RAP1GDS1: variants seen among roughly 807,000 people sequenced by gnomAD.
RAP1GDS1 encodes the protein Rap1 GTPase-GDP dissociation stimulator 1, also known as RAP1, GTP-GDP dissociation stimulator 1.
A neutral mutation model predicts 71.1 loss-of-function variants in RAP1GDS1; 35 were observed. The ratio of observed to expected loss-of-function variants is 0.49; its 90% CI spans 0.38 to 0.65. The LOEUF (loss-of-function observed/expected upper bound fraction) is 0.65. RAP1GDS1 is among the 30% of genes least tolerant of loss of function. The probability of loss-of-function intolerance (pLI) is 0.00; values close to 1 mark genes in which losing one functional copy is unlikely to be tolerated. For missense variants in RAP1GDS1, 663 were observed against 706.1 expected, an observed-to-expected ratio of 0.94 and a Z score of 0.69; for synonymous variants, 229 against 243.1, an observed-to-expected ratio of 0.94 and a Z score of 0.54.
intron 2 of RAP1GDS1, among the ~76,000 whole-genome samples, chr4:98,335,604 TAAAA>T (rs1010987954): frequency 6.6e-6 from 1 of 151,998 alleles, no homozygotes; most frequent in East Asian, 1.9e-4. Flanking sequence ...AGCTTCTTTT[TAAAA>T]AAACTTATCT....
At chr4:98,390,171 C>CTT (rs775568059) in intron 5 of RAP1GDS1, among the ~76,000 whole-genome samples, 3 of 152,118 alleles carry the variant, frequency 2.0e-5, no homozygotes, top group Non-Finnish European at 4.4e-5. Context: ...TAATTTCTAA[C>CTT]TTGGAAAGCT....
chr4:98,419,367 G>A (rs919108315), intron 10 of RAP1GDS1, among the ~76,000 whole-genome samples: 1 of 152,124 alleles, frequency 6.6e-6, no homozygotes, highest in Non-Finnish European at 1.5e-5. Context: ...GGCATCTTTA[G>A]TTGAGGTAGA....
In RAP1GDS1 at chr4:98,426,135, A is replaced by G. The variant is rs560548716; in HGVS notation, c.1440+4741A>G. Among the ~76,000 whole-genome samples, 175 of 152,330 alleles carry G rather than the reference A, an allele frequency of 1.1e-3. 1 individual carries two copies. In the South Asian group the frequency reaches 0.018, roughly 16 times the overall value. On this transcript the variant is annotated intron_variant, in intron 12 of 14. Transcript: ENST00000408927. Reference sequence around the variant, plus strand: ...CTGCTCCTGAATGATCACTGGGTCAATAACAAAATCAAGATGGGAATTTAA... The same window carrying G: ...CTGCTCCTGAATGATCACTGGGTCAGTAACAAAATCAAGATGGGAATTTAA...
chr4:98,266,940 T>C (rs1266716461), intron 1 of RAP1GDS1, among the ~76,000 whole-genome samples: 1 of 152,148 alleles, frequency 6.6e-6, no homozygotes, highest in African/African-American at 2.4e-5. Flanking sequence ...GAGTTATTGG[T>C]GGCACTAACA....
At chr4:98,402,202 G>C (rs1745520183) in intron 6 of RAP1GDS1, among the ~76,000 whole-genome samples, 2 of 152,268 alleles carry the variant, frequency 1.3e-5, no homozygotes, top group South Asian at 4.1e-4. Context: ...CTCCTGAGTA[G>C]CTGGGACTAT....
intron 8 of RAP1GDS1, 31 bp from the exon 9 acceptor site, chr4:98,417,336 T>C (rs775885974): frequency 6.3e-7 from 1 of 1,592,708 alleles, no homozygotes; most frequent in South Asian, 1.1e-5. Context: ...TATTTTTCTC[T>C]TGCTTAACTA....
intron 3 of RAP1GDS1, among the ~76,000 whole-genome samples, chr4:98,344,864 G>A (rs1466620327): frequency 3.9e-5 from 6 of 152,098 alleles, no homozygotes; most frequent in South Asian, 2.1e-4. Context: ...TTACTGTGTC[G>A]CCCAGGCTGA....
chr4:98,426,294 C>G (rs773970391), intron 12 of RAP1GDS1, among the ~76,000 whole-genome samples: 1 of 151,990 alleles, frequency 6.6e-6, no homozygotes, highest in Non-Finnish European at 1.5e-5. Flanking sequence ...AAGAGACAAT[C>G]TAAGGTCACA....
chr4:98,321,114 C>G (rs1288139858), intron 2 of RAP1GDS1, among the ~76,000 whole-genome samples: 2 of 144,616 alleles, frequency 1.4e-5, no homozygotes, highest in African/African-American at 2.5e-5. Context: ...TCGAGAACTA[C>G]GTGAAGAATG....
At chr4:98,332,236 T>C (rs1352490226) in intron 2 of RAP1GDS1, among the ~76,000 whole-genome samples, 1 of 152,214 alleles carries the variant, frequency 6.6e-6, no homozygotes, top group African/African-American at 2.4e-5. Flanking sequence ...TATAGAGGAA[T>C]GTAAACAATA....
chr4:98,407,782 T>A (rs1252680478), intron 7 of RAP1GDS1, among the ~76,000 whole-genome samples: 1 of 151,996 alleles, frequency 6.6e-6, no homozygotes, highest in Admixed American at 6.6e-5. Context: ...ACTATACAAT[T>A]CATCCATGTA....
intron 6 of RAP1GDS1, among the ~76,000 whole-genome samples, chr4:98,394,050 A>T (rs1017276369): frequency 1.3e-5 from 2 of 152,166 alleles, no homozygotes; most frequent in African/African-American, 4.8e-5. Context: ...GAGTACATAG[A>T]AGAAAGCAAA....
chr4:98,335,483 AAC>A (rs1302504251), intron 2 of RAP1GDS1, among the ~76,000 whole-genome samples: 4 of 152,102 alleles, frequency 2.6e-5, no homozygotes, highest in Non-Finnish European at 4.4e-5. Context: ...TTTGTTTTTA[AAC>A]ACAGGTGACT....
At chr4:98,433,805 A>G (rs1304995791) in intron 12 of RAP1GDS1, 131 bp from the exon 13 acceptor site, 7 of 797,190 alleles carry the variant, frequency 8.8e-6, no homozygotes, top group Non-Finnish European at 1.3e-5. Context: ...GGAGAAAAAA[A>G]CTATGATTAA....
At chr4:98,352,024 A>G (rs1165681076) in intron 3 of RAP1GDS1, among the ~76,000 whole-genome samples, 1 of 150,478 alleles carries the variant, frequency 6.6e-6, no homozygotes, top group Non-Finnish European at 1.5e-5. Context: ...ATATATATTT[A>G]TATTTATAGG....
chr4:98,416,515 T>G (rs1002371367), intron 7 of RAP1GDS1, among the ~76,000 whole-genome samples: 3 of 151,088 alleles, frequency 2.0e-5, no homozygotes, highest in African/African-American at 7.3e-5. Flanking sequence ...CCTGGCTAAT[T>G]TTTTTTTGTA....
At position 98,272,885 on chromosome 4, in the gene RAP1GDS1, G is replaced by A. The variant is rs371159616; in HGVS notation, c.4+11316G>A. 1.2e-4 allele frequency among the ~76,000 whole-genome samples: 18 copies of A among 152,200 alleles called. No homozygotes were observed. In the South Asian group the frequency reaches 1.7e-3, roughly 14 times the overall value. ...GTTGCGTAGGATGAGAGAAGACAAC[G>A]CTTTAAAACAACGATTTTTTTCTGA... On this transcript the variant is annotated intron_variant, in intron 1 of 14. Coordinates refer to ENST00000408927, the MANE Select transcript of RAP1GDS1 (RefSeq NM_001100427.2).
At chr4:98,364,535 A>G (rs913516219) in intron 4 of RAP1GDS1, among the ~76,000 whole-genome samples, 4 of 152,144 alleles carry the variant, frequency 2.6e-5, no homozygotes, top group Non-Finnish European at 4.4e-5. Context: ...AGTGTGAATA[A>G]TTCTGAGCAC....
chr4:98,403,208 G>T (rs933235184), intron 6 of RAP1GDS1, among the ~76,000 whole-genome samples: 2 of 152,094 alleles, frequency 1.3e-5, no homozygotes, highest in African/African-American at 2.4e-5. Context: ...AACCCAGGAG[G>T]CCAGCTGTGC....
Sources: allele counts gnomAD v4.1 joint callset (sites outside exome capture counted in the v4.1 genomes callset), GRCh38; gene constraint gnomAD v4.1.1; transcripts MANE v1.5; gene names NCBI Gene and HGNC (gene_info 2026-07-23, HGNC 2026-07-21).